IPO11: variants seen among roughly 807,000 people sequenced by gnomAD.
IPO11 encodes the protein importin-11.
Under a neutral mutation model 143.2 loss-of-function variants are expected in IPO11, and 66 were observed. The ratio of observed to expected loss-of-function variants is 0.46; its 90% CI spans 0.38 to 0.57. The LOEUF (loss-of-function observed/expected upper bound fraction) is 0.57, where lower values mean the gene tolerates loss of function less well. IPO11 is among the 20% of genes least tolerant of loss of function. The probability of loss-of-function intolerance (pLI) is 0.00; values close to 1 mark genes in which losing one functional copy is unlikely to be tolerated. For synonymous variants in IPO11, 385 were observed against 377.8 expected (o/e 1.02, Z -0.22); for missense variants, 1,026 against 1,141.0 (o/e 0.90, Z 1.45).
chr5:62,553,533 G>A (rs987218862), intron 26 of IPO11, among the ~76,000 whole-genome samples: 3 of 152,026 alleles, frequency 2.0e-5, no homozygotes, highest in Non-Finnish European at 4.4e-5. Flanking sequence ...TGGATCATAC[G>A]ATAGTTCAAT....
At chr5:62,485,566 A>G (rs1465557081) in intron 12 of IPO11, 104 bp downstream of exon 12, 6 of 936,092 alleles carry the variant, frequency 6.4e-6, no homozygotes, top group African/African-American at 5.0e-5. Flanking sequence ...TTTGCTGGGC[A>G]TGGTGGCTCA....
At chr5:62,545,291 A>G (rs1232424734) in intron 24 of IPO11, among the ~76,000 whole-genome samples, 2 of 152,142 alleles carry the variant, frequency 1.3e-5, no homozygotes. Flanking sequence ...CAGAAATAAT[A>G]CCACACAGCT....
intron 19 of IPO11, among the ~76,000 whole-genome samples, chr5:62,506,804 C>A (rs1463608501): frequency 6.6e-6 from 1 of 152,194 alleles, no homozygotes; most frequent in African/African-American, 2.4e-5. Context: ...AGTTATTCAG[C>A]TTCCCCTGTC....
intron 27 of IPO11, among the ~76,000 whole-genome samples, chr5:62,569,120 G>A (rs1744052568): frequency 6.6e-6 from 1 of 152,040 alleles, no homozygotes; most frequent in Admixed American, 6.6e-5. Context: ...ACCCAGTACT[G>A]TGATTTATTG....
At chr5:62,470,985 G>A (rs565234283) in intron 7 of IPO11, among the ~76,000 whole-genome samples, 2 of 151,454 alleles carry the variant, frequency 1.3e-5, no homozygotes, top group East Asian at 1.9e-4. Flanking sequence ...GCACCACCAT[G>A]CCCAGCTAAT....
chr5:62,479,199 T>G (rs922282949), intron 9 of IPO11, among the ~76,000 whole-genome samples: 12 of 152,168 alleles, frequency 7.9e-5, no homozygotes, highest in African/African-American at 2.9e-4. Flanking sequence ...TGGTTTTCCG[T>G]CCTTGCGATA....
Position 62,443,058 on chromosome 5 carries a change from C to T in IPO11, c.214C>T (p.Arg72Cys), listed in dbSNP as rs1744551755. The change falls in exon 3 of 30, where the codon CGC (arginine) becomes TGC (cysteine). Residue 72 changes from arginine to cysteine, a missense_variant. Arg to Cys is a radical substitution (Grantham distance 180). Around this residue, in one of 5 missense-constraint regions of IPO11, gnomAD observed 429 missense variants for 456.3 expected, o/e 0.94. Coordinates refer to ENST00000325324, the MANE Select transcript of IPO11 (RefSeq NM_016338.5). ...AVLYFKHGIDRYWRRVAPHAL... is the reference protein window; with the variant it reads ...AVLYFKHGIDCYWRRVAPHAL... ...ACTGTATTTTAAACATGGAATTGAT[C>T]GCTACTGGAGACGTGTAGCACCTCA... 2 of 1,610,584 alleles carry T rather than the reference C, an allele frequency of 1.2e-6. No individual in the cohort carries two copies. Among genetic ancestry groups the T allele is most frequent in the Non-Finnish European group, 1.7e-6 (2 of 1,177,776 alleles).
chr5:62,603,571 A>C (rs74634304), intron 29 of IPO11, among the ~76,000 whole-genome samples: 4,626 of 152,312 alleles, frequency 0.03, 230 homozygotes, highest in African/African-American at 0.11. Flanking sequence ...AGTCCTGGAC[A>C]GGACACCATT....
In IPO11 at chr5:62,513,222, C is replaced by A. The variant is rs1420757050; in HGVS notation, c.1783-2166C>A. Among the ~76,000 whole-genome samples, 35 of 151,918 alleles carry A rather than the reference C, an allele frequency of 2.3e-4. 1 individual carries two copies. Among genetic ancestry groups the A allele is most frequent in the African/African-American group, 7.0e-4 (29 of 41,380 alleles). On this transcript the variant is annotated intron_variant, in intron 19 of 29. Coordinates refer to ENST00000325324, the MANE Select transcript of IPO11 (RefSeq NM_016338.5). ...GCTGGCCAGGCGGGGCGCTGACCCC[C>A]CCATCTCCCTCCCAGACGGGGCGGG...
At chr5:62,608,266 C>CT (rs1745801945) in intron 29 of IPO11, among the ~76,000 whole-genome samples, 1 of 152,182 alleles carries the variant, frequency 6.6e-6, no homozygotes, top group Non-Finnish European at 1.5e-5. Flanking sequence ...ACTTTGTCCT[C>CT]TTAAATCCTA....
chr5:62,418,405 G>T lies in IPO11; in HGVS notation c.-7+5476G>T, dbSNP rs537644116. 7.2e-5 allele frequency among the ~76,000 whole-genome samples: 11 copies of T among 152,058 alleles called. No homozygotes were observed. In the South Asian group the frequency reaches 2.1e-3, roughly 29 times the overall value. On this transcript the variant is annotated intron_variant, in intron 1 of 29. Transcript: ENST00000325324. ...TGACCTCAGGTGATCCACCTGCCTCGGCCTTCTAAAGTATTGGGATTACAG... is the reference window on the plus strand; with the variant it reads ...TGACCTCAGGTGATCCACCTGCCTCTGCCTTCTAAAGTATTGGGATTACAG...
At chr5:62,485,682 TAAA>T (rs1042837833) in intron 12 of IPO11, among the ~76,000 whole-genome samples, 2 of 150,606 alleles carry the variant, frequency 1.3e-5, no homozygotes, top group Non-Finnish European at 3.0e-5. Flanking sequence ...CTGCAAAAAG[TAAA>T]AAAAGGAAAA....
chr5:62,519,527 A>T (rs533110805), intron 20 of IPO11, among the ~76,000 whole-genome samples: 1 of 152,262 alleles, frequency 6.6e-6, no homozygotes, highest in African/African-American at 2.4e-5. Context: ...TTCCTATTCC[A>T]CTATCCTCCC....
chr5:62,588,114 G>C (rs1284380740), intron 27 of IPO11, among the ~76,000 whole-genome samples: 3 of 152,058 alleles, frequency 2.0e-5, no homozygotes, highest in Non-Finnish European at 4.4e-5. Context: ...TTTCAAATCT[G>C]TATGCACTTC....
intron 9 of IPO11, among the ~76,000 whole-genome samples, chr5:62,479,794 T>C (rs1192380806): frequency 6.6e-6 from 1 of 152,214 alleles, no homozygotes; most frequent in Non-Finnish European, 1.5e-5. Context: ...TGTTTGATTT[T>C]TTCTTGTGAT....
At chr5:62,513,233 C>T (rs1580267801) in intron 19 of IPO11, among the ~76,000 whole-genome samples, 1 of 152,188 alleles carries the variant, frequency 6.6e-6, no homozygotes, top group South Asian at 2.1e-4. Context: ...CCATCTCCCT[C>T]CCAGACGGGG....
chr5:62,486,205 C>G (rs1327084273), intron 12 of IPO11, among the ~76,000 whole-genome samples: 1 of 152,058 alleles, frequency 6.6e-6, no homozygotes, highest in Non-Finnish European at 1.5e-5. Context: ...TGGTCTCGAT[C>G]TCCTGACCTC....
intron 5 of IPO11, among the ~76,000 whole-genome samples, chr5:62,457,452 A>G (rs1745203800): frequency 6.6e-6 from 1 of 152,182 alleles, no homozygotes; most frequent in Admixed American, 6.5e-5. Context: ...CTAGCCTTGA[A>G]GACTGAGTTA....
intron 16 of IPO11, among the ~76,000 whole-genome samples, chr5:62,504,306 AC>A (rs796067932): frequency 2.0e-5 from 3 of 152,230 alleles, no homozygotes; most frequent in African/African-American, 7.2e-5. Context: ...CCTTTGACTT[AC>A]ACATCCTCCA....
Sources: allele counts gnomAD v4.1 joint callset (sites outside exome capture counted in the v4.1 genomes callset), GRCh38; gene constraint gnomAD v4.1.1; regional missense constraint gnomAD v4.1.1; transcripts MANE v1.5; gene names NCBI Gene and HGNC (gene_info 2026-07-23, HGNC 2026-07-21).